NOTCH3: variants seen among roughly 807,000 people sequenced by gnomAD.
NOTCH3 encodes the protein notch receptor 3.
NOTCH3 carries 86 observed loss-of-function variants against 213.3 expected under a neutral mutation model. The ratio of observed to expected loss-of-function variants is 0.40; its 90% CI spans 0.34 to 0.48. NOTCH3 has a LOEUF of 0.48. Ranked by LOEUF, NOTCH3 falls within the 20% of genes least tolerant of loss-of-function variation. The probability of loss-of-function intolerance (pLI) is 0.57; values close to 1 mark genes in which losing one functional copy is unlikely to be tolerated. For missense variants in NOTCH3, 2,783 were observed against 3,272.6 expected, an observed-to-expected ratio of 0.85 and a Z score of 3.65; for synonymous variants, 1,354 against 1,355.9, an observed-to-expected ratio of 1.00 and a Z score of 0.03.
intron 24 of NOTCH3, among the ~76,000 whole-genome samples, chr19:15,175,348 A>T (rs4809034): frequency 0.16 from 20,908 of 134,336 alleles, 2,754 homozygotes; most frequent in African/African-American, 0.35. Flanking sequence ...GCCTGGCCAA[A>T]ATGGTGAAAC....
At chr19:15,176,762 TAAAAA>T (rs61399527) in intron 24 of NOTCH3, among the ~76,000 whole-genome samples, 7 of 55,640 alleles carry the variant, frequency 1.3e-4, no homozygotes, top group Admixed American at 4.7e-4. Context: ...GACCCTGTCT[TAAAAA>T]AAAAAAAAAA....
At chr19:15,161,808 G>T in intron 32 of NOTCH3, 94 bp from the exon 33 acceptor site, 1 of 1,080,984 alleles carries the variant, frequency 9.3e-7, no homozygotes, top group Non-Finnish European at 1.3e-6. Context: ...CTATGAGTTT[G>T]TACACTGGAG....
At position 15,161,062 on chromosome 19, in the gene NOTCH3, A is replaced by G. The variant is rs1023812759; in HGVS notation, c.6566T>C (p.Leu2189Pro). 5 of 1,540,390 alleles carry G rather than the reference A, an allele frequency of 3.2e-6. No individual in the cohort carries two copies. In the African/African-American group the frequency reaches 5.5e-5, roughly 17 times the overall value. The change falls in exon 33 of 33, where the codon CTG becomes CCG. Residue 2189 changes from leucine to proline, a missense_variant. This residue lies in a region of NOTCH3 where 441 missense variants were observed against 432.1 expected (regional missense o/e 1.02). Transcript: ENST00000263388. ...APPGPSFLLP[L>P]APGPQLLNPG... is the part of the protein sequence containing the mutation. Reference sequence around the variant, plus strand: ...GTTGAGCAGCTGGGGTCCCGGCGCCAGTGGCAGCAGGAACGAGGGGCCTGG... The same window carrying G: ...GTTGAGCAGCTGGGGTCCCGGCGCCGGTGGCAGCAGGAACGAGGGGCCTGG...
chr19:15,177,967 C>T lies in NOTCH3; in HGVS notation c.3961G>A (p.Gly1321Arg), dbSNP rs1030392985. The change falls in exon 24 of 33, where the codon GGA (glycine) becomes AGA (arginine). Residue 1321 changes from glycine (G) to arginine (R), a missense_variant. Around this residue, in one of 6 missense-constraint regions of NOTCH3, gnomAD observed 133 missense variants for 201.9 expected, o/e 0.66. Transcript: ENST00000263388. ...PRCACPPGLS[G>R]PSCRSFPGSP... ...CCCGGGAAGCTGCGGCAGGAGGGTC[C>T]CGACAACCCTGGGGGGCAGGCGCAG... 3.7e-6 allele frequency: 5 copies of T among 1,355,430 alleles called. No homozygotes were observed. In the African/African-American group the frequency reaches 7.6e-5, roughly 21 times the overall value. The allele number at this position is 1,355,430 out of a possible 1,614,324, so 84.0% of individuals were successfully genotyped here. A position where few individuals can be genotyped will look rare whatever the true frequency, so the allele number is the denominator to read the frequency against.
intron 10 of NOTCH3, 74 bp downstream of exon 10, chr19:15,187,806 CA>C: frequency 8.0e-7 from 1 of 1,243,850 alleles, no homozygotes; most frequent in Non-Finnish European, 1.2e-6. Flanking sequence ...AAGCTCTCCC[CA>C]AGTCTGTTAT....
chr19:15,187,817 T>C (rs961418682), intron 10 of NOTCH3, 64 bp downstream of exon 10: 75 of 1,321,230 alleles, frequency 5.7e-5, no homozygotes, highest in Non-Finnish European at 7.5e-5. Context: ...AAGTCTGTTA[T>C]TGGCCCTGTC....
intron 20 of NOTCH3, 132 bp from the exon 21 acceptor site, chr19:15,179,628 T>C: frequency 2.0e-6 from 2 of 1,010,134 alleles, no homozygotes; most frequent in Admixed American, 2.0e-5. Flanking sequence ...CAGTAGGTAA[T>C]CCCAGCACTT....
At chr19:15,197,441 G>GGCCCCCCCCCCCCCCCCCCC in intron 2 of NOTCH3, 59 bp downstream of exon 2, 1 of 768,364 alleles carries the variant, frequency 1.3e-6, no homozygotes. Flanking sequence ...AAGACAAATC[G>GGCCCCCCCCCCCCCCCCCCC]CCCCTCCCCC....
In NOTCH3 at chr19:15,195,844, G is replaced by T. The variant is rs914715796; in HGVS notation, c.197+1656C>A. 2.0e-5 allele frequency among the ~76,000 whole-genome samples: 3 copies of T among 151,620 alleles called. No homozygotes were observed. The East Asian group carries it at 5.9e-4, about 30-fold the overall frequency. On this transcript the variant is annotated intron_variant, in intron 2 of 32. Transcript: ENST00000263388. ...CCCACGCTCTGCGTCCCGCGCCCCC[G>T]CCGACCGGTCGGGCCGGTTCCAGCC...
chr19:15,184,320 A>G lies in NOTCH3; in HGVS notation c.2541T>C (p.Asp847=). 1 of 1,614,016 alleles carries G rather than the reference A, an allele frequency of 6.2e-7. No individual in the cohort carries two copies. The highest frequency in any genetic ancestry group is 8.5e-7 in the Non-Finnish European group (1 of 1,180,012). ...CHGGYTGPSC[D]QDINDCDPNP... ...TGGGGTCACAGTCATTGATGTCCTG[A>G]TCGCAGGAAGGGCCAGTGTACCCTC... The change falls in exon 16 of 33, where the codon GAT becomes GAC. Residue 847 remains aspartate, a synonymous_variant. Coordinates refer to ENST00000263388, the MANE Select transcript of NOTCH3 (RefSeq NM_000435.3).
chr19:15,193,939 G>A (rs11880667), intron 2 of NOTCH3, among the ~76,000 whole-genome samples: 13,094 of 151,724 alleles, frequency 0.086, 1,467 homozygotes, highest in African/African-American at 0.27. Flanking sequence ...AAAATTAGCT[G>A]GGCGTGGTGG....
rs1410511581 is a variant in NOTCH3, at chr19:15,187,139, G to T, written c.1806C>A (p.Asp602Glu). ...CAGAAGGGCAGCGGCAGAGGTACTT[G>T]TCCACCAGGTCTAGGCATTTGCCGC... ...RHGGKCLDLV[D>E]KYLCRCPSGT... Residue 602 changes from aspartate to glutamate, a missense_variant, in exon 11 of 33, where the codon GAC becomes GAA. Coordinates refer to ENST00000263388, the MANE Select transcript of NOTCH3 (RefSeq NM_000435.3). 4.3e-6 allele frequency: 7 copies of T among 1,614,126 alleles called. No homozygotes were observed. The highest frequency in any genetic ancestry group is 5.9e-6 in the Non-Finnish European group (7 of 1,180,028).
At chr19:15,173,772 G>A (rs143695255) in intron 25 of NOTCH3, among the ~76,000 whole-genome samples, 459 of 3,560 alleles carry the variant, frequency 0.13, 29 homozygotes, top group African/African-American at 0.46. Flanking sequence ...GAAGGAGAAG[G>A]AGAAGGAGAA....
intron 12 of NOTCH3, among the ~76,000 whole-genome samples, chr19:15,186,094 G>A (rs982950580): frequency 3.3e-5 from 5 of 151,732 alleles, no homozygotes; most frequent in African/African-American, 4.8e-5. Flanking sequence ...ATGTGTGTGC[G>A]TGTTTATCTA....
At chr19:15,184,515 G>C in intron 15 of NOTCH3, 65 bp from the exon 16 acceptor site, 1 of 1,535,660 alleles carries the variant, frequency 6.5e-7, no homozygotes, top group South Asian at 1.1e-5. Flanking sequence ...CAGGGACCTG[G>C]GGCTCAGGAA....
Position 15,160,598 on chromosome 19 carries a change from A to G in NOTCH3, c.*64T>C. 8.2e-7 allele frequency: 1 copy of G among 1,221,832 alleles called. No individual in the cohort carries two copies. Among genetic ancestry groups the G allele is most frequent in the Middle Eastern group, 1.9e-4 (1 of 5,220 alleles). The allele number at this position is 1,221,832 out of a possible 1,614,324, so 75.7% of individuals were successfully genotyped here. On this transcript the variant is annotated 3_prime_UTR_variant, in exon 33 of 33. Transcript: ENST00000263388. Reference sequence around the variant, plus strand: ...AAGACTAAAAGGAAGGAAGAGACAGAGAAAGAAAGGAGGCAGGACGGGGGT... The same window carrying G: ...AAGACTAAAAGGAAGGAAGAGACAGGGAAAGAAAGGAGGCAGGACGGGGGT...
chr19:15,197,430 G>A, intron 2 of NOTCH3, 70 bp downstream of exon 2: 1 of 1,257,232 alleles, frequency 8.0e-7, no homozygotes, highest in Non-Finnish European at 1.1e-6. Flanking sequence ...GGCAGAGGGA[G>A]AAGACAAATC....
rs2145391449 is a variant in NOTCH3 at position 15,165,586 on chromosome 19, C to A, written c.5668-71G>T. On this transcript the variant is annotated intron_variant, in intron 30 of 32. Transcript: ENST00000263388. This position sits in a 1 kb window ranked among gnomAD's most constrained non-coding sequence, Gnocchi z 4.7. ...GAGGAATCAGGAGCACCCCTAAGTC[C>A]CATGAAGTCCCCAACCCCCATACCC... 6.5e-7 allele frequency: 1 copy of A among 1,542,020 alleles called. No individual in the cohort carries two copies. Among genetic ancestry groups the A allele is most frequent in the Non-Finnish European group, 8.8e-7 (1 of 1,140,914 alleles).
At chr19:15,198,893 G>A (rs997441160) in intron 1 of NOTCH3, among the ~76,000 whole-genome samples, 3 of 151,550 alleles carry the variant, frequency 2.0e-5, no homozygotes, top group African/African-American at 7.3e-5. Context: ...CCTGGCAACA[G>A]AGTGAGACTG....
Sources: allele counts gnomAD v4.1 joint callset (sites outside exome capture counted in the v4.1 genomes callset), GRCh38; gene constraint gnomAD v4.1.1; regional missense constraint gnomAD v4.1.1; non-coding constraint Gnocchi (gnomAD v3.1); transcripts MANE v1.5; gene names NCBI Gene and HGNC (gene_info 2026-07-23, HGNC 2026-07-21).